NUP88: variants seen among roughly 807,000 people sequenced by gnomAD.
NUP88 encodes the protein nucleoporin 88.
Under a neutral mutation model 93.9 loss-of-function variants are expected in NUP88, and 57 were observed. The observed-to-expected ratio is 0.61, with a 90% CI of 0.49 to 0.76. The LOEUF is 0.76. Ranked by LOEUF, NUP88 falls within the 30% of genes least tolerant of loss-of-function variation. The probability of loss-of-function intolerance (pLI) is 0.00; values close to 1 mark genes in which losing one functional copy is unlikely to be tolerated. For synonymous variants in NUP88, 346 were observed against 336.8 expected (o/e 1.03, Z -0.30); for missense variants, 911 against 901.0 (o/e 1.01, Z -0.14).
intron 3 of NUP88, among the ~76,000 whole-genome samples, chr17:5,412,931 G>C (rs1913924628): frequency 6.6e-6 from 1 of 152,094 alleles, no homozygotes; most frequent in Admixed American, 6.5e-5. Flanking sequence ...TGAAAGAGCA[G>C]ACCGCACACT....
chr17:5,419,119 G>T (rs1914411404), intron 1 of NUP88, among the ~76,000 whole-genome samples: 1 of 152,210 alleles, frequency 6.6e-6, no homozygotes. Flanking sequence ...TTTCTCCAGA[G>T]CACTCATCCG....
Position 5,409,899 on chromosome 17 carries a change from G to C in NUP88, c.680+804C>G, listed in dbSNP as rs76477479. On this transcript the variant is annotated intron_variant, in intron 4 of 16. Coordinates refer to ENST00000573584, the MANE Select transcript of NUP88 (RefSeq NM_002532.6). ...GGAGCAGTTGAGGTGGAGAGCAAAT[G>C]CTCTAAGGTAGAAGTGCTTAATGTC... Among the ~76,000 whole-genome samples, 520 of 152,316 alleles carry C rather than the reference G, an allele frequency of 3.4e-3. 3 individuals are homozygous for C. Among genetic ancestry groups the C allele is most frequent in the African/African-American group, 0.012 (486 of 41,570 alleles).
At chr17:5,398,434 G>A (rs185922666) in intron 8 of NUP88, among the ~76,000 whole-genome samples, 4 of 151,590 alleles carry the variant, frequency 2.6e-5, no homozygotes, top group East Asian at 2.0e-4. Flanking sequence ...GATTATAGGC[G>A]CACACCACCA....
intron 8 of NUP88, among the ~76,000 whole-genome samples, chr17:5,397,803 T>C (rs1396328141): frequency 6.6e-6 from 1 of 151,968 alleles, no homozygotes; most frequent in African/African-American, 2.4e-5. Flanking sequence ...AGTTCCTTTC[T>C]ATTAAGTTTG....
intron 1 of NUP88, among the ~76,000 whole-genome samples, chr17:5,416,947 G>A (rs991226548): frequency 1.3e-5 from 2 of 151,466 alleles, no homozygotes; most frequent in African/African-American, 2.4e-5. Context: ...TCAGCTTCCA[G>A]AGGAGCTGGG....
At position 5,385,375 on chromosome 17, in the gene NUP88, C is replaced by G. The variant is rs893330541; in HGVS notation, c.*831G>C. 5 of 230,548 alleles carry G rather than the reference C, an allele frequency of 2.2e-5. No individual in the cohort carries two copies. Among genetic ancestry groups the G allele is most frequent in the Non-Finnish European group, 1.7e-5 (2 of 116,466 alleles). The allele number at this position is 230,548 out of a possible 1,614,324, so 14.3% of individuals were successfully genotyped here. On this transcript the variant is annotated 3_prime_UTR_variant, in exon 17 of 17. Transcript: ENST00000573584. ...TATATTCAGTCTGTGCCTACATGTT[C>G]TCATGCATGTCTAACCTGATTTACC... is the stretch of plus-strand genomic sequence containing the variant.
In NUP88 at chr17:5,386,175, C is replaced by T; in HGVS notation, c.*31G>A. 6.4e-7 allele frequency: 1 copy of T among 1,556,276 alleles called. No individual in the cohort carries two copies. The highest frequency in any genetic ancestry group is 8.8e-7 in the Non-Finnish European group (1 of 1,136,606). On this transcript the variant is annotated 3_prime_UTR_variant, in exon 17 of 17. Transcript: ENST00000573584. Reference sequence around the variant, plus strand: ...ATGGGTTTAAGCCTTCAATGGTGTTCAGTTCAGGTGTGAGTCAGCTCCTGG... The same window carrying T: ...ATGGGTTTAAGCCTTCAATGGTGTTTAGTTCAGGTGTGAGTCAGCTCCTGG...
At chr17:5,416,984 G>C (rs1914190683) in intron 1 of NUP88, among the ~76,000 whole-genome samples, 2 of 134,298 alleles carry the variant, frequency 1.5e-5, no homozygotes, top group African/African-American at 5.4e-5. Context: ...ATCACTCCCA[G>C]CTAATTAAAA....
chr17:5,408,319 G>A (rs965955080), intron 5 of NUP88, among the ~76,000 whole-genome samples: 1 of 152,042 alleles, frequency 6.6e-6, no homozygotes, highest in African/African-American at 2.4e-5. Context: ...CTCCTTCCTC[G>A]GGGTTCTTAC....
intron 8 of NUP88, 95 bp from the exon 9 acceptor site, chr17:5,395,076 G>A (rs2309372): frequency 0.45 from 347,369 of 774,154 alleles, 83,620 homozygotes; most frequent in East Asian, 0.84. Context: ...TGAGGTTCTT[G>A]TCTGAAAACA....
At position 5,419,647 on chromosome 17, in the gene NUP88, C is replaced by A. The variant is rs1914492206; in HGVS notation, c.4G>T (p.Ala2Ser). 1 of 1,585,396 alleles carries A rather than the reference C, an allele frequency of 6.3e-7. No homozygotes were observed. The highest frequency in any genetic ancestry group is 8.6e-7 in the Non-Finnish European group (1 of 1,165,672). M[A>S]AAEGPVGDGE... ...TCGCCCACCGGTCCCTCGGCGGCCG[C>A]CATCTTGGCCCAACTGCTCCCCTCA... The change falls in exon 1 of 17, where the codon GCG (alanine) becomes TCG (serine). Residue 2 changes from alanine to serine, a missense_variant. Physicochemically the swap from Ala to Ser is moderately conservative, Grantham distance 99. Coordinates refer to ENST00000573584, the MANE Select transcript of NUP88 (RefSeq NM_002532.6).
At chr17:5,416,833 T>A (rs1009547272) in intron 1 of NUP88, 151 bp from the exon 2 acceptor site, 23 of 109,550 alleles carry the variant, frequency 2.1e-4, no homozygotes, top group Non-Finnish European at 2.9e-4. Flanking sequence ...AACTCACAAA[T>A]TTTTTTTTTT....
intron 16 of NUP88, 94 bp downstream of exon 16, chr17:5,386,614 C>G: frequency 4.6e-6 from 4 of 865,278 alleles, no homozygotes; most frequent in East Asian, 4.8e-5. Flanking sequence ...ATGCAAATAC[C>G]AAGATTCAGG....
chr17:5,387,568 A>C, intron 13 of NUP88, 37 bp downstream of exon 13: 1 of 1,599,574 alleles, frequency 6.3e-7, no homozygotes, highest in Non-Finnish European at 8.6e-7. Context: ...TTCCAGTCTT[A>C]CTGACCTATT....
chr17:5,419,461 G>A lies in NUP88; in HGVS notation c.190C>T (p.Leu64Phe), dbSNP rs763853991. The A allele has an allele frequency of 1.9e-6, 3 of 1,614,022 alleles. No individual in the cohort carries two copies. Among genetic ancestry groups the A allele is most frequent in the South Asian group, 2.2e-5 (2 of 91,086 alleles). ...QLLTRNVVFGLGGELFLWDGE... is the reference protein window; with the variant it reads ...QLLTRNVVFGFGGELFLWDGE... ...TCCCACAGGAAAAGCTCTCCGCCGA[G>A]GCCAAAGACCACGTTTCTCGTCAGC... Residue 64 changes from leucine to phenylalanine, a missense_variant, in exon 1 of 17, where the codon CTC becomes TTC. Coordinates refer to ENST00000573584, the MANE Select transcript of NUP88 (RefSeq NM_002532.6).
intron 2 of NUP88, among the ~76,000 whole-genome samples, chr17:5,415,639 C>T (rs1356195466): frequency 3.3e-5 from 5 of 152,134 alleles, no homozygotes; most frequent in South Asian, 2.1e-4. Context: ...GAGCTCCTTA[C>T]GACTTATGAT....
chr17:5,393,837 A>G (rs960975258), intron 9 of NUP88, among the ~76,000 whole-genome samples: 2 of 152,114 alleles, frequency 1.3e-5, no homozygotes, highest in East Asian at 3.8e-4. Flanking sequence ...GATTATGTCT[A>G]TTTCTTAGTG....
At chr17:5,389,032 A>G in intron 10 of NUP88, 72 bp from the exon 11 acceptor site, 2 of 1,100,582 alleles carry the variant, frequency 1.8e-6, no homozygotes, top group South Asian at 1.8e-5. Context: ...CAGAAACCAC[A>G]TTAATCCAGA....
intron 7 of NUP88, 34 bp downstream of exon 7, chr17:5,404,065 G>A (rs1913334658): frequency 1.3e-6 from 2 of 1,598,988 alleles, no homozygotes; most frequent in East Asian, 4.5e-5. Context: ...TAAAAATCAT[G>A]GGAAAAAAGC....
Sources: allele counts gnomAD v4.1 joint callset (sites outside exome capture counted in the v4.1 genomes callset), GRCh38; gene constraint gnomAD v4.1.1; transcripts MANE v1.5; gene names NCBI Gene and HGNC (gene_info 2026-07-23, HGNC 2026-07-21).